The following PDE8A variants were observed in gnomAD, a reference collection of about 807,000 sequenced individuals.
PDE8A encodes phosphodiesterase 8A.
In PDE8A, 59 loss-of-function variants were observed where a neutral mutation model predicts 105.0. The ratio of observed to expected loss-of-function variants is 0.56; its 90% CI spans 0.46 to 0.70. The LOEUF (loss-of-function observed/expected upper bound fraction) is 0.70, where lower values mean the gene tolerates loss of function less well. PDE8A is among the 30% of genes least tolerant of loss of function. The probability of loss-of-function intolerance (pLI) is 0.00; values close to 1 mark genes in which losing one functional copy is unlikely to be tolerated. For synonymous variants in PDE8A, 355 were observed against 371.9 expected (o/e 0.95, Z 0.52); for missense variants, 1,014 against 1,045.9 (o/e 0.97, Z 0.42).
At chr15:85,011,874 A>G (rs966293439) in intron 1 of PDE8A, among the ~76,000 whole-genome samples, 7 of 152,230 alleles carry the variant, frequency 4.6e-5, no homozygotes, top group Non-Finnish European at 1.0e-4. Flanking sequence ...AACCCCATCA[A>G]AAAGTGGGCG....
At chr15:85,111,928 T>G (rs2082026053) in intron 12 of PDE8A, among the ~76,000 whole-genome samples, 1 of 152,210 alleles carries the variant, frequency 6.6e-6, no homozygotes, top group South Asian at 2.1e-4. Flanking sequence ...GTATTGATGG[T>G]TTTTTATGCT....
intron 20 of PDE8A, among the ~76,000 whole-genome samples, chr15:85,130,993 G>A (rs2082322558): frequency 6.6e-6 from 1 of 152,124 alleles, no homozygotes; most frequent in Admixed American, 6.5e-5. Flanking sequence ...CTGACCTCAG[G>A]TGATCCGCTC....
chr15:85,002,182 C>T (rs1421303746), intron 1 of PDE8A, among the ~76,000 whole-genome samples: 2 of 151,738 alleles, frequency 1.3e-5, no homozygotes, highest in African/African-American at 4.8e-5. Flanking sequence ...AGGAGGCTGC[C>T]CCCCCAGTTC....
At chr15:84,997,278 C>G (rs1596417646) in intron 1 of PDE8A, among the ~76,000 whole-genome samples, 1 of 152,058 alleles carries the variant, frequency 6.6e-6, no homozygotes, top group Non-Finnish European at 1.5e-5. Context: ...ACTGCAACCT[C>G]TGTCTCCTGG....
At chr15:85,071,563 A>C (rs1356375922) in intron 3 of PDE8A, among the ~76,000 whole-genome samples, 2 of 152,214 alleles carry the variant, frequency 1.3e-5, no homozygotes, top group Non-Finnish European at 2.9e-5. Flanking sequence ...TCAGTTTGAG[A>C]ATCAGAGAGA....
rs529311793 is a variant in PDE8A at position 85,073,231 on chromosome 15, A to G, written c.435-2631A>G. ...ACCTTCTTGAATTCTGACTTCCTGA[A>G]CATTCAGGTATACATTTCAATAATG... On this transcript the variant is annotated intron_variant, in intron 3 of 21. Transcript: ENST00000394553. 3.9e-5 allele frequency among the ~76,000 whole-genome samples: 6 copies of G among 152,308 alleles called. No homozygotes were observed. The South Asian group carries it at 1.2e-3, about 32-fold the overall frequency.
chr15:85,134,661 T>G (rs2082378526), intron 20 of PDE8A, among the ~76,000 whole-genome samples: 1 of 152,202 alleles, frequency 6.6e-6, no homozygotes, highest in Non-Finnish European at 1.5e-5. Context: ...TTGGCACTTG[T>G]CCCCAGCACC....
intron 2 of PDE8A, among the ~76,000 whole-genome samples, chr15:85,066,466 G>A (rs2081226537): frequency 6.6e-6 from 1 of 151,916 alleles, no homozygotes; most frequent in Non-Finnish European, 1.5e-5. Context: ...TGGGGGCTCT[G>A]AGGTACAAGA....
rs374074343 is a variant in PDE8A, at chr15:84,981,978, C to G, written c.-185C>G. 1 of 301,012 alleles carries G rather than the reference C, an allele frequency of 3.3e-6. No homozygotes were observed. The highest frequency in any genetic ancestry group is 6.0e-5 in the East Asian group (1 of 16,752). The allele number at this position is 301,012 out of a possible 1,614,324, so 18.6% of individuals were successfully genotyped here. On this transcript the variant is annotated 5_prime_UTR_variant, in exon 1 of 22. Coordinates refer to ENST00000394553, the MANE Select transcript of PDE8A (RefSeq NM_002605.3). ...AGCGCCCCCTTCCCACCGCAGCCGCCGCCGCCGCAGCGCCCGCACCGCGAT... is the reference window on the plus strand; with the variant it reads ...AGCGCCCCCTTCCCACCGCAGCCGCGGCCGCCGCAGCGCCCGCACCGCGAT...
chr15:85,119,547 TAATTTAAATC>T (rs1004611436), intron 17 of PDE8A, among the ~76,000 whole-genome samples: 21 of 150,994 alleles, frequency 1.4e-4, no homozygotes, highest in African/African-American at 4.9e-4. Flanking sequence ...TATTGAATTT[TAATTTAAATC>T]AATTTAAATA....
At chr15:85,112,182 A>T (rs1446482493) in intron 12 of PDE8A, among the ~76,000 whole-genome samples, 1 of 151,964 alleles carries the variant, frequency 6.6e-6, no homozygotes, top group African/African-American at 2.4e-5. Flanking sequence ...TTTATTTTTA[A>T]TTGACAAGAA....
At chr15:85,121,923 T>G (rs1377949581) in intron 18 of PDE8A, among the ~76,000 whole-genome samples, 2 of 152,210 alleles carry the variant, frequency 1.3e-5, no homozygotes, top group Non-Finnish European at 2.9e-5. Context: ...GCACAATGTT[T>G]TTAAGATTCA....
intron 1 of PDE8A, among the ~76,000 whole-genome samples, chr15:85,060,199 ACTTT>A (rs1265711242): frequency 6.6e-6 from 1 of 152,004 alleles, no homozygotes; most frequent in Non-Finnish European, 1.5e-5. Flanking sequence ...TTCTGTAGCT[ACTTT>A]CTTTATGGTT....
intron 1 of PDE8A, among the ~76,000 whole-genome samples, chr15:85,058,319 C>CA: frequency 6.6e-6 from 1 of 152,246 alleles, no homozygotes; most frequent in East Asian, 1.9e-4. Flanking sequence ...CTCCTGGCCT[C>CA]AAACAGTCCT....
rs1220174104 is a variant in PDE8A, at chr15:84,981,981, C to G, written c.-182C>G. On this transcript the variant is annotated 5_prime_UTR_variant, in exon 1 of 22. Coordinates refer to ENST00000394553, the MANE Select transcript of PDE8A (RefSeq NM_002605.3). ...GCCCCCTTCCCACCGCAGCCGCCGCCGCCGCAGCGCCCGCACCGCGATAAA... is the reference window on the plus strand; with the variant it reads ...GCCCCCTTCCCACCGCAGCCGCCGCGGCCGCAGCGCCCGCACCGCGATAAA... 9.8e-6 allele frequency: 3 copies of G among 304,808 alleles called. No homozygotes were observed. Among genetic ancestry groups the G allele is most frequent in the African/African-American group, 4.4e-5 (2 of 45,226 alleles). 18.9% of individuals were successfully genotyped at this position (304,808 alleles called of 1,614,324 possible). A position where few individuals can be genotyped will look rare whatever the true frequency, so the allele number is the denominator to read the frequency against.
At chr15:85,095,089 C>T (rs1404407341) in intron 8 of PDE8A, among the ~76,000 whole-genome samples, 2 of 152,024 alleles carry the variant, frequency 1.3e-5, no homozygotes, top group African/African-American at 4.8e-5. Flanking sequence ...CAGCGGGTGC[C>T]AAGAGGGACT....
At position 84,981,947 on chromosome 15, in the gene PDE8A, C is replaced by A; in HGVS notation, c.-216C>A. 3.7e-6 allele frequency: 1 copy of A among 273,748 alleles called. No homozygotes were observed. The highest frequency in any genetic ancestry group is 1.5e-4 in the South Asian group (1 of 6,504). 17.0% of individuals were successfully genotyped at this position (273,748 alleles called of 1,614,324 possible). A position where few individuals can be genotyped will look rare whatever the true frequency, so the allele number is the denominator to read the frequency against. ...GGAGGGGCGGCCTCGGCACGCCACC[C>A]GCCTAAGCGCCCCCTTCCCACCGCA... On this transcript the variant is annotated 5_prime_UTR_variant, in exon 1 of 22. Transcript: ENST00000394553.
chr15:85,067,262 C>A, intron 3 of PDE8A, 58 bp downstream of exon 3: 1 of 1,220,372 alleles, frequency 8.2e-7, no homozygotes, highest in Non-Finnish European at 1.2e-6. Flanking sequence ...ATACATGCAG[C>A]CTAGAAATAG....
chr15:84,981,029 C>G (rs537493506), upstream of PDE8A, among the ~76,000 whole-genome samples: 7 of 152,334 alleles, frequency 4.6e-5, no homozygotes, highest in South Asian at 6.2e-4. Flanking sequence ...TTCACTACCC[C>G]CAAAGGAGGT....
Sources: allele counts gnomAD v4.1 joint callset (sites outside exome capture counted in the v4.1 genomes callset), GRCh38; gene constraint gnomAD v4.1.1; transcripts MANE v1.5; gene names NCBI Gene and HGNC (gene_info 2026-07-23, HGNC 2026-07-21).